RCOR1: variants seen among roughly 807,000 people sequenced by gnomAD.
RCOR1 encodes the protein REST corepressor.
RCOR1 carries 12 observed loss-of-function variants against 64.0 expected under a neutral mutation model. That is an observed-to-expected ratio of 0.19 (90% CI 0.12 to 0.30). RCOR1 has a LOEUF of 0.30. Among genes scored for constraint, RCOR1 ranks in the 10% least tolerant of loss-of-function variants. RCOR1 has a pLI of 1.00. For synonymous variants in RCOR1, 279 were observed against 227.2 expected (o/e 1.23, Z -2.05); for missense variants, 502 against 621.2 (o/e 0.81, Z 2.04).
intron 2 of RCOR1, among the ~76,000 whole-genome samples, chr14:102,617,796 G>C (rs572272042): frequency 2.0e-4 from 31 of 151,340 alleles, no homozygotes; most frequent in Non-Finnish European, 3.7e-4. Flanking sequence ...CACCATATTG[G>C]CCAGACTGGT....
At chr14:102,726,066 C>T (rs1425022161) in intron 11 of RCOR1, among the ~76,000 whole-genome samples, 2 of 151,944 alleles carry the variant, frequency 1.3e-5, no homozygotes, top group Admixed American at 6.6e-5. Context: ...TGGGGGCCCA[C>T]ACATGTAATC....
chr14:102,607,501 C>T (rs1164374234), intron 2 of RCOR1, among the ~76,000 whole-genome samples: 1 of 151,940 alleles, frequency 6.6e-6, no homozygotes, highest in African/African-American at 2.4e-5. Context: ...AATCCCAGTG[C>T]TTTGGGAAGC....
At chr14:102,676,655 G>A (rs1275892510) in intron 2 of RCOR1, among the ~76,000 whole-genome samples, 8 of 110,646 alleles carry the variant, frequency 7.2e-5, no homozygotes, top group African/African-American at 2.3e-4. Flanking sequence ...CCTCCCTCCC[G>A]GACGGGGCGG....
At chr14:102,694,574 C>G (rs1204297761) in intron 3 of RCOR1, among the ~76,000 whole-genome samples, 1 of 152,188 alleles carries the variant, frequency 6.6e-6, no homozygotes, top group Non-Finnish European at 1.5e-5. Context: ...TGCGCCCGGC[C>G]AAGAAATAGC....
chr14:102,619,970 C>G (rs975590043), intron 2 of RCOR1, among the ~76,000 whole-genome samples: 4 of 152,188 alleles, frequency 2.6e-5, no homozygotes, highest in African/African-American at 9.7e-5. Flanking sequence ...TGTCTACAGA[C>G]CAGCCATCCT....
chr14:102,623,387 ATTATTTATTTATTTAT>A (rs376556197), intron 2 of RCOR1, among the ~76,000 whole-genome samples: 6 of 124,836 alleles, frequency 4.8e-5, no homozygotes, highest in East Asian at 2.0e-4. Flanking sequence ...TTATTTATTT[ATTATTTATTTATTTAT>A]TTATTTATTT....
At chr14:102,701,822 A>G (rs1254875425) in intron 4 of RCOR1, among the ~76,000 whole-genome samples, 3 of 152,144 alleles carry the variant, frequency 2.0e-5, no homozygotes, top group Non-Finnish European at 4.4e-5. Flanking sequence ...GGGTTCAAGT[A>G]GTTCTCGTAA....
At chr14:102,598,200 C>T (rs1893305565) in intron 2 of RCOR1, among the ~76,000 whole-genome samples, 1 of 152,194 alleles carries the variant, frequency 6.6e-6, no homozygotes. Flanking sequence ...AGGTGATCCA[C>T]TCACCTCGGC....
intron 6 of RCOR1, 122 bp from the exon 7 acceptor site, chr14:102,710,813 A>G: frequency 1.5e-6 from 1 of 680,318 alleles, no homozygotes; most frequent in East Asian, 2.9e-5. Flanking sequence ...ATTTTATATT[A>G]AATCAGTTTA....
intron 2 of RCOR1, among the ~76,000 whole-genome samples, chr14:102,655,041 C>T (rs1183779095): frequency 6.7e-6 from 1 of 150,148 alleles, no homozygotes; most frequent in Non-Finnish European, 1.5e-5. Flanking sequence ...AAACTCCTGG[C>T]CTCAAGCCAT....
At chr14:102,593,673 C>T (rs569420556) in intron 2 of RCOR1, among the ~76,000 whole-genome samples, 16 of 152,320 alleles carry the variant, frequency 1.1e-4, no homozygotes, top group Admixed American at 6.5e-4. Context: ...GTAAGGGTGG[C>T]AGTGCCGGAG....
chr14:102,689,582 A>G (rs1431157324), intron 3 of RCOR1, among the ~76,000 whole-genome samples: 11 of 152,184 alleles, frequency 7.2e-5, no homozygotes, highest in Non-Finnish European at 1.6e-4. Flanking sequence ...TGCATTATGC[A>G]TTTTATAAGT....
rs1430964457 is a variant in RCOR1 at position 102,710,262 on chromosome 14, TTA to T, written c.780-672_780-671del. On this transcript the variant is annotated intron_variant, in intron 6 of 11. Coordinates refer to ENST00000262241, the MANE Select transcript of RCOR1 (RefSeq NM_015156.4). ...GGCAGGCTACTTGACTTCTGTAGACTTAGTTTTCTTTTTTTACAGTTGCATTC... is the reference window on the plus strand; with the variant it reads ...GGCAGGCTACTTGACTTCTGTAGACTGTTTTCTTTTTTTACAGTTGCATTC... Among the ~76,000 whole-genome samples, 11 of 152,340 alleles carry T rather than the reference TTA, an allele frequency of 7.2e-5. No individual in the cohort carries two copies. The East Asian group carries it at 1.7e-3, about 24-fold the overall frequency.
At chr14:102,627,579 C>T (rs1341160150) in intron 2 of RCOR1, among the ~76,000 whole-genome samples, 5 of 151,862 alleles carry the variant, frequency 3.3e-5, no homozygotes. Context: ...ATCGCTTGAA[C>T]CCGGGAGGCA....
At chr14:102,715,292 CGATCTCCT>C (rs1467285821) in intron 8 of RCOR1, among the ~76,000 whole-genome samples, 1 of 150,526 alleles carries the variant, frequency 6.6e-6, no homozygotes, top group Non-Finnish European at 1.5e-5. Context: ...AGGATGGTCT[CGATCTCCT>C]GATCTCATGA....
At chr14:102,597,059 G>A (rs897728187) in intron 2 of RCOR1, among the ~76,000 whole-genome samples, 3 of 151,322 alleles carry the variant, frequency 2.0e-5, no homozygotes, top group African/African-American at 7.3e-5. Context: ...TTTTAGTAGA[G>A]ACGGGGTTTC....
At chr14:102,601,247 A>C (rs959470112) in intron 2 of RCOR1, among the ~76,000 whole-genome samples, 3 of 149,834 alleles carry the variant, frequency 2.0e-5, no homozygotes, top group African/African-American at 7.4e-5. Context: ...TCTTGACCTC[A>C]GGTGATTGAC....
chr14:102,707,412 A>G lies in RCOR1; in HGVS notation c.560A>G (p.Asn187Ser). 1 of 1,613,786 alleles carries G rather than the reference A, an allele frequency of 6.2e-7. No individual in the cohort carries two copies. Among genetic ancestry groups the G allele is most frequent in the Non-Finnish European group, 8.5e-7 (1 of 1,179,872 alleles). ...GAAAAGTCATTGGCTGATTTGCCCA[A>G]CTTTACCCCTTTCCCAGATGAGTGG... is the stretch of plus-strand genomic sequence containing the variant. ...NIEKSLADLP[N>S]FTPFPDEWTV... The change falls in exon 5 of 12, where the codon AAC becomes AGC. Residue 187 changes from asparagine (N) to serine (S), a missense_variant. Coordinates refer to ENST00000262241, the MANE Select transcript of RCOR1 (RefSeq NM_015156.4).
At chr14:102,636,064 T>C (rs1394712769) in intron 2 of RCOR1, among the ~76,000 whole-genome samples, 4 of 151,594 alleles carry the variant, frequency 2.6e-5, no homozygotes, top group African/African-American at 4.8e-5. Context: ...TCCTGAGTAG[T>C]TGGGACTACA....
Sources: allele counts gnomAD v4.1 joint callset (sites outside exome capture counted in the v4.1 genomes callset), GRCh38; gene constraint gnomAD v4.1.1; transcripts MANE v1.5; gene names NCBI Gene and HGNC (gene_info 2026-07-23, HGNC 2026-07-21).